The following SLIT1 variants were observed in gnomAD, a reference collection of about 807,000 sequenced individuals.
The protein encoded by SLIT1 is slit guidance ligand 1.
Under a neutral mutation model 186.1 loss-of-function variants are expected in SLIT1, and 66 were observed. The observed-to-expected ratio is 0.35, with a 90% CI of 0.29 to 0.44. The LOEUF (loss-of-function observed/expected upper bound fraction) is 0.44, where lower values mean the gene tolerates loss of function less well. SLIT1 is among the 20% of genes least tolerant of loss of function. SLIT1 has a pLI of 1.00. For synonymous variants in SLIT1, 761 were observed against 833.8 expected (o/e 0.91, Z 1.50); for missense variants, 1,638 against 2,037.4 (o/e 0.80, Z 3.77).
At chr10:97,111,996 A>T (rs1849468972) in intron 4 of SLIT1, among the ~76,000 whole-genome samples, 1 of 152,182 alleles carries the variant, frequency 6.6e-6, no homozygotes, top group Non-Finnish European at 1.5e-5. Context: ...TCCTGGCTGA[A>T]CGTGCCGAGC....
chr10:97,155,276 GCTT>G (rs1849934683), intron 4 of SLIT1: 1 of 152,446 alleles, frequency 6.6e-6, no homozygotes, highest in Admixed American at 6.5e-5. Flanking sequence ...TTGACTTTCT[GCTT>G]CCCAGGCCAC....
intron 2 of SLIT1, among the ~76,000 whole-genome samples, chr10:97,163,844 G>C (rs1390228612): frequency 6.6e-6 from 1 of 152,254 alleles, no homozygotes; most frequent in African/African-American, 2.4e-5. Flanking sequence ...GCTGGCGCAC[G>C]TGCCCTGGCC....
At chr10:97,064,313 C>T (rs1303040135) in intron 6 of SLIT1, 74 bp from the exon 7 acceptor site, 46 of 1,239,296 alleles carry the variant, frequency 3.7e-5, no homozygotes, top group Non-Finnish European at 4.7e-5. Context: ...GCCCTGCTAA[C>T]GAACAGGGAG....
At chr10:97,015,294 A>G (rs565584452) in intron 28 of SLIT1, among the ~76,000 whole-genome samples, 21 of 152,322 alleles carry the variant, frequency 1.4e-4, no homozygotes, top group African/African-American at 4.8e-4. Context: ...TGATGTTTAG[A>G]AAGTGAATGA....
chr10:97,043,220 C>T lies in SLIT1; in HGVS notation c.1997+150G>A, dbSNP rs1589372427. 1.2e-5 allele frequency: 16 copies of T among 1,314,196 alleles called. No homozygotes were observed. The highest frequency in any genetic ancestry group is 2.9e-5 in the African/African-American group (2 of 68,646). 81.4% of individuals were successfully genotyped at this position (1,314,196 alleles called of 1,614,324 possible). On this transcript the variant is annotated intron_variant, in intron 19 of 36. Coordinates refer to ENST00000266058, the MANE Select transcript of SLIT1 (RefSeq NM_003061.3). The surrounding 1 kb of genome is among the most constrained non-coding windows in gnomAD (Gnocchi z 7.0). Reference sequence around the variant, plus strand: ...CACCAAGAGGACCGGCTCTGAGGACCGGAGGGAGACTTCGAAATGTGGAAC... The same window carrying T: ...CACCAAGAGGACCGGCTCTGAGGACTGGAGGGAGACTTCGAAATGTGGAAC...
intron 16 of SLIT1, 142 bp downstream of exon 16, chr10:97,047,548 G>T: frequency 1.2e-6 from 1 of 816,374 alleles, no homozygotes; most frequent in Non-Finnish European, 2.0e-6. Flanking sequence ...TCCTGCCCAA[G>T]CCAGCAGTTG....
At chr10:97,183,288 T>C (rs1850366526) in intron 1 of SLIT1, among the ~76,000 whole-genome samples, 1 of 152,208 alleles carries the variant, frequency 6.6e-6, no homozygotes, top group Non-Finnish European at 1.5e-5. Context: ...GCTCACTCCC[T>C]GCTGACGCCT....
At chr10:97,175,104 G>C (rs1362124872) in intron 1 of SLIT1, among the ~76,000 whole-genome samples, 1 of 152,132 alleles carries the variant, frequency 6.6e-6, no homozygotes, top group African/African-American at 2.4e-5. Flanking sequence ...CTCTGAATGT[G>C]ACTCCTCTGG....
chr10:97,142,172 A>G (rs1311067515), intron 4 of SLIT1, among the ~76,000 whole-genome samples: 1 of 138,508 alleles, frequency 7.2e-6, no homozygotes, highest in African/African-American at 2.5e-5. Flanking sequence ...CTGCCAAACC[A>G]GATCTCTCTT....
rs199563334 is a variant in SLIT1 at position 97,004,746 on chromosome 10, G to T, written c.3657C>A (p.Gly1219=). 2.9e-5 allele frequency: 46 copies of T among 1,614,034 alleles called. No individual in the cohort carries two copies. Among genetic ancestry groups the T allele is most frequent in the Non-Finnish European group, 3.7e-5 (44 of 1,180,018 alleles). ...NDHIAVELYQ[G]HVRVSYDPGS... Reference sequence around the variant, plus strand: ...CTGGGTCGTAGCTGACACGCACATGGCCCTGGTACAGCTCAACTGCAATGT... The same window carrying T: ...CTGGGTCGTAGCTGACACGCACATGTCCCTGGTACAGCTCAACTGCAATGT... The change falls in exon 33 of 37, where the codon GGC becomes GGA. Residue 1219 remains glycine, a synonymous_variant. Coordinates refer to ENST00000266058, the MANE Select transcript of SLIT1 (RefSeq NM_003061.3). This position sits in a 1 kb window ranked among gnomAD's most constrained non-coding sequence, Gnocchi z 5.1.
chr10:97,064,439 G>A (rs925153619), intron 6 of SLIT1, among the ~76,000 whole-genome samples, 200 bp from the exon 7 acceptor site: 2 of 152,178 alleles, frequency 1.3e-5, no homozygotes, highest in African/African-American at 4.8e-5. Context: ...ACCGTAAGCC[G>A]ACAGCACCAT....
intron 28 of SLIT1, among the ~76,000 whole-genome samples, chr10:97,015,963 C>A (rs1456352052): frequency 6.6e-6 from 1 of 152,154 alleles, no homozygotes; most frequent in Admixed American, 6.5e-5. Flanking sequence ...GAAAAAAGAA[C>A]AAGGTAAAAT....
In SLIT1 at chr10:97,060,674, T is replaced by A; in HGVS notation, c.907A>T (p.Ile303Phe). ...ATGGTCTCGGGCAGGTTGGCCGGGA[T>A]GGCAGTGAGGCCTTTTCCACGACAG... ...VDCRGKGLTA[I>F]PANLPETMTE... The change falls in exon 9 of 37, where the codon ATC becomes TTC. Residue 303 changes from isoleucine (I) to phenylalanine (F), a missense_variant. This residue lies in a region of SLIT1 where 1,245 missense variants were observed against 1,535.3 expected (regional missense o/e 0.81). Transcript: ENST00000266058. 6.2e-7 allele frequency: 1 copy of A among 1,613,450 alleles called. No individual in the cohort carries two copies.
At chr10:97,046,175 C>G (rs552332769) in intron 18 of SLIT1, among the ~76,000 whole-genome samples, 1 of 152,294 alleles carries the variant, frequency 6.6e-6, no homozygotes, top group East Asian at 1.9e-4. Context: ...GCAGATGACC[C>G]CAGGATCCCA....
At chr10:97,019,330 G>A (rs974788718) in intron 26 of SLIT1, among the ~76,000 whole-genome samples, 2 of 152,192 alleles carry the variant, frequency 1.3e-5, no homozygotes, top group African/African-American at 2.4e-5. Flanking sequence ...GGCTGGAAGG[G>A]CTAAAGCAGT....
In SLIT1 at chr10:97,043,105, GC is replaced by G. The variant is rs748603908; in HGVS notation, c.1998-39del. 87 of 1,599,334 alleles carry G rather than the reference GC, an allele frequency of 5.4e-5. No homozygotes were observed. The highest frequency in any genetic ancestry group is 3.2e-4 in the Admixed American group (19 of 59,278). On this transcript the variant is annotated intron_variant, in intron 19 of 36. Transcript: ENST00000266058. The surrounding 1 kb of genome is among the most constrained non-coding windows in gnomAD (Gnocchi z 7.0). The stretch of plus-strand genomic sequence containing the variant: ...GGCCAGGCGGCCATGGAGACACTCT[GC>G]CCCTCTCAGAGGTCCCAGCAAACCC...
intron 4 of SLIT1, among the ~76,000 whole-genome samples, chr10:97,080,425 AAGCTAAGTCACAGGTC>A (rs1440499468): frequency 6.6e-6 from 1 of 152,232 alleles, no homozygotes; most frequent in Non-Finnish European, 1.5e-5. Flanking sequence ...AAGTCACATG[AAGCTAAGTCACAGGTC>A]AGCTAATTCT....
At chr10:97,051,571 T>C (rs969401945) in intron 13 of SLIT1, among the ~76,000 whole-genome samples, 8 of 152,090 alleles carry the variant, frequency 5.3e-5, no homozygotes, top group African/African-American at 1.9e-4. Flanking sequence ...CAGCACTTTG[T>C]GAGGCCGAGG....
rs962298147 is a variant in SLIT1 at position 97,048,063 on chromosome 10, C to T, written c.1466-67G>A. 3 of 1,565,100 alleles carry T rather than the reference C, an allele frequency of 1.9e-6. No individual in the cohort carries two copies. In the African/African-American group the frequency reaches 4.1e-5, roughly 21 times the overall value. Reference sequence around the variant, plus strand: ...AGGACCTGCAGTAACAGCCCAGGCCCCAGCCCCACTGCTCAGCTGAAGGCA... The same window carrying T: ...AGGACCTGCAGTAACAGCCCAGGCCTCAGCCCCACTGCTCAGCTGAAGGCA... On this transcript the variant is annotated intron_variant, in intron 14 of 36. Transcript: ENST00000266058.
Sources: gnomAD v4.1 joint callset for allele counts (sites outside exome capture counted in the v4.1 genomes callset) on GRCh38, gnomAD v4.1.1 for gene constraint, gnomAD v4.1.1 regional missense constraint, Gnocchi (gnomAD v3.1) non-coding constraint, MANE v1.5 for transcripts, NCBI Gene and HGNC (gene_info 2026-07-23, HGNC 2026-07-21) for gene names.